MEGF10: variants seen among roughly 807,000 people sequenced by gnomAD.
MEGF10 encodes the protein multiple epidermal growth factor-like domains protein 10.
Under a neutral mutation model 147.5 loss-of-function variants are expected in MEGF10, and 86 were observed. The ratio of observed to expected loss-of-function variants is 0.58; its 90% CI spans 0.49 to 0.70. The LOEUF (loss-of-function observed/expected upper bound fraction) is 0.70, where lower values mean the gene tolerates loss of function less well. MEGF10 is among the 30% of genes least tolerant of loss of function. The pLI is 0.00. For missense variants in MEGF10, 1,329 were observed against 1,487.3 expected (o/e 0.89, Z 1.75); for synonymous variants, 478 against 525.5 (o/e 0.91, Z 1.24).
intron 13 of MEGF10, among the ~76,000 whole-genome samples, chr5:127,428,492 A>G (rs1018688958): frequency 5.9e-5 from 9 of 152,158 alleles, no homozygotes; most frequent in African/African-American, 1.9e-4. Context: ...ATGCTGTACT[A>G]CACTACACTA....
chr5:127,424,456 G>A (rs957756798), intron 13 of MEGF10: 23 of 1,218,536 alleles, frequency 1.9e-5, no homozygotes, highest in Non-Finnish European at 2.2e-5. Context: ...AGATCAATTT[G>A]GGGAATACTG....
intron 5 of MEGF10, among the ~76,000 whole-genome samples, chr5:127,388,517 T>TTTTTTTTA (rs1192575934): frequency 1.4e-5 from 2 of 141,970 alleles, no homozygotes; most frequent in Admixed American, 7.0e-5. Context: ...TCTTTTTTCT[T>TTTTTTTTA]TTTATTTATT....
intron 22 of MEGF10, among the ~76,000 whole-genome samples, chr5:127,450,254 G>A (rs1313604467): frequency 6.6e-6 from 1 of 152,222 alleles, no homozygotes; most frequent in Non-Finnish European, 1.5e-5. Flanking sequence ...AATGGCACAG[G>A]CCTATAGCCC....
In MEGF10 at chr5:127,385,758, A is replaced by T. The variant is rs180813537; in HGVS notation, c.413-10774A>T. On this transcript the variant is annotated intron_variant, in intron 5 of 24. Coordinates refer to ENST00000503335, the MANE Select transcript of MEGF10 (RefSeq NM_001256545.2). ...TCTTAAAGTTCTTGACCCCTATGTA[A>T]TTCAACAATTAGATCCCAAGGCTAT... Among the ~76,000 whole-genome samples, 654 of 152,258 alleles carry T rather than the reference A, an allele frequency of 4.3e-3. 4 individuals carry two copies. Among genetic ancestry groups the T allele is most frequent in the Non-Finnish European group, 7.2e-3 (491 of 68,010 alleles).
At chr5:127,455,767 G>A (rs1432478628) in intron 24 of MEGF10, among the ~76,000 whole-genome samples, 160 bp downstream of exon 24, 1 of 144,188 alleles carries the variant, frequency 6.9e-6, no homozygotes, top group Non-Finnish European at 1.5e-5. Flanking sequence ...TTTTGAGATG[G>A]GGTCTCTCTG....
intron 1 of MEGF10, among the ~76,000 whole-genome samples, chr5:127,305,571 A>C (rs988918596): frequency 1.3e-5 from 2 of 152,134 alleles, no homozygotes; most frequent in African/African-American, 4.8e-5. Flanking sequence ...TATTTTGGTG[A>C]AGGCCAACCT....
chr5:127,427,708 G>T (rs760482154), intron 13 of MEGF10, among the ~76,000 whole-genome samples: 1 of 152,154 alleles, frequency 6.6e-6, no homozygotes, highest in African/African-American at 2.4e-5. Context: ...GGACTAATCT[G>T]TCGTGAGGTG....
intron 1 of MEGF10, among the ~76,000 whole-genome samples, chr5:127,318,206 T>C (rs1760641511): frequency 6.6e-6 from 1 of 152,124 alleles, no homozygotes; most frequent in South Asian, 2.1e-4. Flanking sequence ...AGACACTGAA[T>C]CTGCCAGCGC....
At chr5:127,431,994 C>T (rs1765398889) in intron 13 of MEGF10, among the ~76,000 whole-genome samples, 1 of 151,976 alleles carries the variant, frequency 6.6e-6, no homozygotes, top group African/African-American at 2.4e-5. Flanking sequence ...AGAAAAAAAT[C>T]AACATAGTAG....
At chr5:127,311,007 A>G (rs532896122) in intron 1 of MEGF10, among the ~76,000 whole-genome samples, 3 of 152,322 alleles carry the variant, frequency 2.0e-5, no homozygotes, top group East Asian at 3.9e-4. Flanking sequence ...CCTCCCAAAG[A>G]CATAATATTC....
the MEGF10 span, among the ~76,000 whole-genome samples, chr5:127,247,335 GAA>G: frequency 1.2e-3 from 3 of 2,606 alleles, no homozygotes; most frequent in African/African-American, 3.2e-3. Context: ...AGAAGAAGAA[GAA>G]GAAGAAGAAG....
chr5:127,298,707 G>T (rs1759627984), intron 1 of MEGF10, among the ~76,000 whole-genome samples: 1 of 151,990 alleles, frequency 6.6e-6, no homozygotes, highest in African/African-American at 2.4e-5. Context: ...GGCCAGAGGG[G>T]GTCACAGAGA....
At chr5:127,363,269 T>C (rs1474227333) in intron 4 of MEGF10, among the ~76,000 whole-genome samples, 2 of 152,244 alleles carry the variant, frequency 1.3e-5, no homozygotes, top group African/African-American at 2.4e-5. Flanking sequence ...AATCATGTTT[T>C]ACTGCAATAA....
At chr5:127,416,659 A>T (rs1764790855) in intron 9 of MEGF10, among the ~76,000 whole-genome samples, 1 of 152,198 alleles carries the variant, frequency 6.6e-6, no homozygotes, top group African/African-American at 2.4e-5. Flanking sequence ...TGTTCAACCC[A>T]CAGGAATTTT....
At chr5:127,445,149 C>A (rs1297869180) in intron 19 of MEGF10, 3 of 306,786 alleles carry the variant, frequency 9.8e-6, no homozygotes. Flanking sequence ...CCAGGCTGGT[C>A]TCTAACTGCT....
At chr5:127,358,369 C>T (rs1762350254) in intron 4 of MEGF10, among the ~76,000 whole-genome samples, 1 of 152,146 alleles carries the variant, frequency 6.6e-6, no homozygotes, top group Admixed American at 6.6e-5. Context: ...TTCTCTAGGG[C>T]TGGCCTTTAT....
chr5:127,386,898 A>G (rs1763455974), intron 5 of MEGF10, among the ~76,000 whole-genome samples: 1 of 152,240 alleles, frequency 6.6e-6, no homozygotes, highest in South Asian at 2.1e-4. Flanking sequence ...TATAACAAAA[A>G]GTACTTTTTG....
At chr5:127,259,625 C>T in the MEGF10 span, among the ~76,000 whole-genome samples, 71 of 152,174 alleles carry the variant, frequency 4.7e-4, no homozygotes, top group East Asian at 0.012. Flanking sequence ...GCTGCAAGAC[C>T]CCTCCAGGTA....
At chr5:127,342,935 C>T (rs1261496789) in intron 4 of MEGF10, among the ~76,000 whole-genome samples, 2 of 152,026 alleles carry the variant, frequency 1.3e-5, no homozygotes, top group African/African-American at 4.8e-5. Flanking sequence ...TATTTTGTGT[C>T]TCTCCACTCT....
Sources: gnomAD v4.1 joint callset for allele counts (sites outside exome capture counted in the v4.1 genomes callset) on GRCh38, gnomAD v4.1.1 for gene constraint, MANE v1.5 for transcripts, NCBI Gene and HGNC (gene_info 2026-07-23, HGNC 2026-07-21) for gene names.